SPIDR: variants seen among roughly 807,000 people sequenced by gnomAD.
SPIDR encodes the protein scaffold protein involved in DNA repair, also known as DNA repair-scaffolding protein.
A neutral mutation model predicts 104.6 loss-of-function variants in SPIDR; 93 were observed. That is an observed-to-expected ratio of 0.89 (90% CI 0.75 to 1.06). The LOEUF is 1.06. SPIDR is among the 50% of genes least tolerant of loss of function. SPIDR has a pLI of 0.00. For synonymous variants in SPIDR, 431 were observed against 416.9 expected, an observed-to-expected ratio of 1.03 and a Z score of -0.41; for missense variants, 1,154 against 1,111.2, an observed-to-expected ratio of 1.04 and a Z score of -0.55.
At chr8:47,625,293 A>AAAAACTGGAAGCATTTCCTTTG (rs1315312686) in intron 10 of SPIDR, among the ~76,000 whole-genome samples, 1 of 152,256 alleles carries the variant, frequency 6.6e-6, no homozygotes, top group Non-Finnish European at 1.5e-5. Context: ...CTGAATGGGC[A>AAAAACTGGAAGCATTTCCTTTG]AAAACTGGAA....
At chr8:47,444,680 T>C (rs2070209645) in intron 8 of SPIDR, among the ~76,000 whole-genome samples, 2 of 152,238 alleles carry the variant, frequency 1.3e-5, no homozygotes, top group African/African-American at 4.8e-5. Flanking sequence ...TCTTAGACTA[T>C]TTCTAGAAGT....
intron 8 of SPIDR, among the ~76,000 whole-genome samples, chr8:47,477,341 C>T (rs782285574): frequency 7.9e-5 from 12 of 152,056 alleles, no homozygotes; most frequent in Admixed American, 5.9e-4. Context: ...GGATTACAGG[C>T]GCTTGGCGAC....
At chr8:47,549,190 T>A (rs372572087) in intron 8 of SPIDR, among the ~76,000 whole-genome samples, 18 of 152,356 alleles carry the variant, frequency 1.2e-4, no homozygotes, top group African/African-American at 4.3e-4. Context: ...TTGGGTTGGT[T>A]CCAAGTCTTT....
rs183936943 is a variant in SPIDR, at chr8:47,552,054, G to A, written c.1098-43757G>A. 2.0e-3 allele frequency among the ~76,000 whole-genome samples: 309 copies of A among 152,292 alleles called. 2 individuals carry two copies. The highest frequency in any genetic ancestry group is 1.9e-3 in the Non-Finnish European group (129 of 68,022). ...CCCAGTAGTCATTCAGGAGCAGGTT[G>A]TTCAGTTCCCATGTAGTAGAGTGGT... On this transcript the variant is annotated intron_variant, in intron 8 of 19. Transcript: ENST00000297423.
At position 47,727,222 on chromosome 8, in the gene SPIDR, G is replaced by A; in HGVS notation, c.2364G>A (p.Glu788=). ...SVQGTVVGVD[E]STAFSWPVCD... ...TAGGCACTGTGGTTGGCGTGGACGA[G>A]AGCACTGCTTTCTCATGGCCTGTGT... Residue 788 remains glutamate, a synonymous_variant, in exon 17 of 20, where the codon GAG becomes GAA. Transcript: ENST00000297423. 1 of 1,614,128 alleles carries A rather than the reference G, an allele frequency of 6.2e-7. No homozygotes were observed. The highest frequency in any genetic ancestry group is 1.1e-5 in the South Asian group (1 of 91,070).
intron 10 of SPIDR, among the ~76,000 whole-genome samples, chr8:47,641,004 C>T (rs1017890596): frequency 2.0e-5 from 3 of 150,588 alleles, no homozygotes; most frequent in African/African-American, 7.3e-5. Flanking sequence ...GGAGCCACTG[C>T]GCCTGGCTGA....
intron 10 of SPIDR, among the ~76,000 whole-genome samples, chr8:47,600,950 T>G (rs1024437206): frequency 5.9e-5 from 9 of 152,312 alleles, no homozygotes; most frequent in Middle Eastern, 3.4e-3. Flanking sequence ...TCACAACCAA[T>G]GCACGTTATG....
At position 47,522,630 on chromosome 8, in the gene SPIDR, A is replaced by G. The variant is rs572887279; in HGVS notation, c.1098-73181A>G. ...ATGTGTTCCTACCCAAAATCACACA[A>G]TGTCACTGTGTGGGATGCACAATAT... On this transcript the variant is annotated intron_variant, in intron 8 of 19. Coordinates refer to ENST00000297423, the MANE Select transcript of SPIDR (RefSeq NM_001080394.4). Among the ~76,000 whole-genome samples the G allele has an allele frequency of 1.6e-4, 24 of 152,308 alleles. No individual in the cohort carries two copies. The East Asian group carries it at 3.3e-3, about 21-fold the overall frequency.
intron 5 of SPIDR, among the ~76,000 whole-genome samples, chr8:47,295,283 T>A (rs2040636590): frequency 1.3e-5 from 2 of 152,236 alleles, no homozygotes; most frequent in African/African-American, 4.8e-5. Context: ...TGTGTCTATT[T>A]GTCCTCCTTA....
At position 47,599,140 on chromosome 8, in the gene SPIDR, C is replaced by T; in HGVS notation, c.1488C>T (p.Asp496=). ...VQRVYSLPSR[D]STRGQQGASS... Reference sequence around the variant, plus strand: ...GAGTGTATTCTCTTCCCAGCAGAGACAGCACCAGGGGTCAGCAGGGGGCCA... The same window carrying T: ...GAGTGTATTCTCTTCCCAGCAGAGATAGCACCAGGGGTCAGCAGGGGGCCA... Residue 496 remains aspartate, a synonymous_variant, in exon 10 of 20, where the codon GAC becomes GAT. Coordinates refer to ENST00000297423, the MANE Select transcript of SPIDR (RefSeq NM_001080394.4). 1 of 1,613,672 alleles carries T rather than the reference C, an allele frequency of 6.2e-7. No homozygotes were observed. The highest frequency in any genetic ancestry group is 8.5e-7 in the Non-Finnish European group (1 of 1,179,876).
chr8:47,283,935 TAAG>T, intron 2 of SPIDR, 90 bp from the exon 3 acceptor site: 1 of 888,688 alleles, frequency 1.1e-6, no homozygotes, highest in African/African-American at 1.7e-5. Flanking sequence ...AAGAATATGT[TAAG>T]GAGAGTGTAG....
chr8:47,575,977 C>CT (rs555884501), intron 8 of SPIDR, among the ~76,000 whole-genome samples: 3,980 of 140,918 alleles, frequency 0.028, 276 homozygotes, highest in Admixed American at 0.15. Flanking sequence ...AAAAAAGTTT[C>CT]TTTTTTTTTT....
chr8:47,697,394 C>T (rs995855020), intron 11 of SPIDR, among the ~76,000 whole-genome samples: 1 of 152,038 alleles, frequency 6.6e-6, no homozygotes, highest in Non-Finnish European at 1.5e-5. Context: ...CAATTTTAAC[C>T]ATTTTAAGTA....
At chr8:47,378,911 G>T (rs1215667486) in intron 5 of SPIDR, among the ~76,000 whole-genome samples, 1 of 152,180 alleles carries the variant, frequency 6.6e-6, no homozygotes, top group Non-Finnish European at 1.5e-5. Context: ...CAGCTTAATT[G>T]TGAACAAGTA....
chr8:47,277,035 T>A (rs1177399382), intron 1 of SPIDR: 1 of 152,116 alleles, frequency 6.6e-6, no homozygotes, highest in Non-Finnish European at 1.5e-5. Context: ...TTCAAGCGAT[T>A]CTCCTGCCTC....
chr8:47,390,499 A>G (rs1158594903), intron 5 of SPIDR, among the ~76,000 whole-genome samples: 1 of 151,902 alleles, frequency 6.6e-6, no homozygotes, highest in East Asian at 1.9e-4. Flanking sequence ...AAAAAAAAGC[A>G]GATAATAATG....
At chr8:47,527,384 TAAAG>T (rs2085187116) in intron 8 of SPIDR, 2 of 152,190 alleles carry the variant, frequency 1.3e-5, no homozygotes, top group Non-Finnish European at 2.9e-5. Flanking sequence ...ACAGGCTTAC[TAAAG>T]ACCTAGACCT....
chr8:47,324,769 G>C (rs2047382258), intron 5 of SPIDR, among the ~76,000 whole-genome samples: 2 of 152,124 alleles, frequency 1.3e-5, no homozygotes, highest in African/African-American at 4.8e-5. Context: ...CTGAGAAAGT[G>C]GTACTTATAT....
intron 8 of SPIDR, among the ~76,000 whole-genome samples, chr8:47,593,708 G>C (rs1016028338): frequency 1.3e-5 from 2 of 152,200 alleles, no homozygotes; most frequent in African/African-American, 4.8e-5. Flanking sequence ...CGTGGAGAGG[G>C]AAGTCCAGGT....
Sources: allele counts gnomAD v4.1 joint callset (sites outside exome capture counted in the v4.1 genomes callset), GRCh38; gene constraint gnomAD v4.1.1; transcripts MANE v1.5; gene names NCBI Gene and HGNC (gene_info 2026-07-23, HGNC 2026-07-21).